Variants in TMC1 observed in about 807,000 individuals in gnomAD.
The protein encoded by TMC1 is transmembrane channel-like protein 1.
TMC1 carries 84 observed loss-of-function variants against 105.8 expected under a neutral mutation model. That is an observed-to-expected ratio of 0.79 (90% CI 0.67 to 0.95). TMC1 has a LOEUF of 0.95. TMC1 is among the 40% of genes least tolerant of loss of function. The pLI is 0.00. For synonymous variants in TMC1, 315 were observed against 311.5 expected, an observed-to-expected ratio of 1.01 and a Z score of -0.12; for missense variants, 817 against 914.1, an observed-to-expected ratio of 0.89 and a Z score of 1.37.
At chr9:72,683,648 A>G (rs967400308) in intron 5 of TMC1, among the ~76,000 whole-genome samples, 4 of 147,116 alleles carry the variant, frequency 2.7e-5, no homozygotes, top group African/African-American at 9.9e-5. Flanking sequence ...CTTATGAAAT[A>G]TGACAAATTT....
intron 13 of TMC1, among the ~76,000 whole-genome samples, chr9:72,786,316 C>T (rs1828166403): frequency 6.6e-6 from 1 of 151,998 alleles, no homozygotes; most frequent in Admixed American, 6.6e-5. Context: ...TGGTGGCGGG[C>T]GCCTGTAGTC....
intron 17 of TMC1, among the ~76,000 whole-genome samples, chr9:72,793,955 A>G (rs13286506): frequency 0.067 from 10,247 of 152,234 alleles, 403 homozygotes; most frequent in African/African-American, 0.1. Context: ...CTGCAGTAGA[A>G]CTGCCCTTGC....
chr9:72,830,732 T>C (rs1417649248), intron 23 of TMC1, 50 bp downstream of exon 23: 1 of 1,516,136 alleles, frequency 6.6e-7, no homozygotes, highest in Middle Eastern at 1.9e-4. Flanking sequence ...CTTTTTCTTT[T>C]TCTTTCTTTT....
intron 5 of TMC1, among the ~76,000 whole-genome samples, chr9:72,676,367 A>G (rs1826202155): frequency 6.6e-6 from 1 of 152,172 alleles, no homozygotes; most frequent in Non-Finnish European, 1.5e-5. Context: ...TAGATTAAAG[A>G]TGCCAAAAAT....
chr9:72,752,930 ACTGTGCGT>A (rs1270426047), intron 11 of TMC1, among the ~76,000 whole-genome samples: 1 of 152,180 alleles, frequency 6.6e-6, no homozygotes. Context: ...TCTTTTACTT[ACTGTGCGT>A]CACAACAAAT....
At chr9:72,569,164 GTATACT>G (rs1824223425) in intron 1 of TMC1, among the ~76,000 whole-genome samples, 1 of 152,058 alleles carries the variant, frequency 6.6e-6, no homozygotes, top group Non-Finnish European at 1.5e-5. Flanking sequence ...ACATCCTACT[GTATACT>G]TTAAATCATC....
At chr9:72,727,944 T>C (rs549565181) in intron 8 of TMC1, among the ~76,000 whole-genome samples, 2 of 152,278 alleles carry the variant, frequency 1.3e-5, no homozygotes, top group Non-Finnish European at 2.9e-5. Context: ...ATTTATAAAG[T>C]TACCATTATA....
intron 8 of TMC1, among the ~76,000 whole-genome samples, chr9:72,702,277 G>C (rs72733033): frequency 0.15 from 23,376 of 152,004 alleles, 2,327 homozygotes; most frequent in African/African-American, 0.28. Context: ...CAACTGCATG[G>C]AGGTGTAGAA....
At chr9:72,801,839 A>G (rs1828477813) in intron 17 of TMC1, among the ~76,000 whole-genome samples, 1 of 152,214 alleles carries the variant, frequency 6.6e-6, no homozygotes, top group African/African-American at 2.4e-5. Context: ...TTCCTATGGT[A>G]TATGAATAAA....
intron 1 of TMC1, among the ~76,000 whole-genome samples, chr9:72,567,111 A>G (rs1285228514): frequency 6.6e-6 from 1 of 152,202 alleles, no homozygotes; most frequent in Non-Finnish European, 1.5e-5. Context: ...TGTCTCAGCC[A>G]TGATGAGTTC....
chr9:72,708,179 G>C (rs138966617), intron 8 of TMC1, among the ~76,000 whole-genome samples: 34 of 152,232 alleles, frequency 2.2e-4, no homozygotes, highest in African/African-American at 7.7e-4. Flanking sequence ...TTATAGTATA[G>C]TTTGAAGGAA....
chr9:72,655,413 T>C (rs1017245207), intron 5 of TMC1, among the ~76,000 whole-genome samples: 1 of 152,178 alleles, frequency 6.6e-6, no homozygotes, highest in Non-Finnish European at 1.5e-5. Context: ...TCTTCCATAG[T>C]TTCTGATGAG....
At chr9:72,546,769 A>C (rs1045328576) in intron 1 of TMC1, among the ~76,000 whole-genome samples, 2 of 152,244 alleles carry the variant, frequency 1.3e-5, no homozygotes, top group Non-Finnish European at 2.9e-5. Context: ...CCAGGAAAAA[A>C]GTTAACCCAG....
chr9:72,659,044 G>C (rs1255819804), intron 5 of TMC1, among the ~76,000 whole-genome samples: 1 of 152,182 alleles, frequency 6.6e-6, no homozygotes, highest in East Asian at 1.9e-4. Flanking sequence ...GAAGCCTCAT[G>C]ATGAGTGGAG....
intron 17 of TMC1, among the ~76,000 whole-genome samples, chr9:72,803,089 G>A (rs1350548294): frequency 6.6e-6 from 1 of 152,086 alleles, no homozygotes; most frequent in Non-Finnish European, 1.5e-5. Flanking sequence ...CAGACCTACA[G>A]TCATCTGATC....
At chr9:72,608,925 C>T (rs1011236966) in intron 2 of TMC1, among the ~76,000 whole-genome samples, 2 of 152,076 alleles carry the variant, frequency 1.3e-5, no homozygotes, top group Non-Finnish European at 2.9e-5. Context: ...ACTGCCTTCA[C>T]GACTGCAGTC....
At chr9:72,824,604 C>T (rs146325524) in intron 20 of TMC1, among the ~76,000 whole-genome samples, 7 of 152,324 alleles carry the variant, frequency 4.6e-5, no homozygotes, top group African/African-American at 1.7e-4. Context: ...GTCAGGCCGT[C>T]TCTCCCCTCT....
intron 4 of TMC1, among the ~76,000 whole-genome samples, chr9:72,638,015 G>A (rs1263049440): frequency 1.3e-5 from 2 of 151,996 alleles, no homozygotes; most frequent in African/African-American, 4.8e-5. Flanking sequence ...CTGAAGCCGT[G>A]TAGATCTTAT....
intron 1 of TMC1, among the ~76,000 whole-genome samples, chr9:72,550,104 G>A (rs548501474): frequency 1.3e-5 from 2 of 152,218 alleles, no homozygotes; most frequent in South Asian, 4.2e-4. Context: ...AGAGAATGCA[G>A]GACAAATTGC....
Sources: allele counts gnomAD v4.1 joint callset (sites outside exome capture counted in the v4.1 genomes callset), GRCh38; gene constraint gnomAD v4.1.1; transcripts MANE v1.5; gene names NCBI Gene and HGNC (gene_info 2026-07-23, HGNC 2026-07-21).